The following SIRPD variants were observed in gnomAD, a reference collection of about 807,000 sequenced individuals.
The protein encoded by SIRPD is signal-regulatory protein delta.
SIRPD carries 21 observed loss-of-function variants against 18.0 expected under a neutral mutation model. The ratio of observed to expected loss-of-function variants is 1.17; its 90% CI spans 0.83 to 1.68. The LOEUF is 1.68. Among genes scored for constraint, SIRPD ranks in the 40% most tolerant of loss-of-function variants. The pLI is 0.00. For synonymous variants in SIRPD, 106 were observed against 92.9 expected (o/e 1.14, Z -0.81); for missense variants, 295 against 238.4 (o/e 1.24, Z -1.56).
chr20:1,543,549 T>C (rs1269984320), intron 2 of SIRPD, among the ~76,000 whole-genome samples: 1 of 152,202 alleles, frequency 6.6e-6, no homozygotes, highest in Non-Finnish European at 1.5e-5. Flanking sequence ...CTATCTGTTT[T>C]GTTAATGTTT....
At chr20:1,545,460 T>C (rs747323956) in intron 2 of SIRPD, among the ~76,000 whole-genome samples, 8 of 152,232 alleles carry the variant, frequency 5.3e-5, no homozygotes, top group Non-Finnish European at 1.2e-4. Flanking sequence ...GTTTTTCAGC[T>C]CCATCAGGTC....
chr20:1,537,372 A>C, intron 2 of SIRPD, 62 bp from the exon 3 acceptor site: 16 of 1,538,916 alleles, frequency 1.0e-5, no homozygotes, highest in Non-Finnish European at 1.4e-5. Flanking sequence ...TGATGGGAGG[A>C]AAGGGCTGTA....
intron 1 of SIRPD, among the ~76,000 whole-genome samples, chr20:1,554,944 T>C (rs944399535): frequency 2.0e-5 from 3 of 152,210 alleles, no homozygotes; most frequent in Non-Finnish European, 4.4e-5. Context: ...TGCTCTTGTG[T>C]ATTCTTGGGT....
rs141706925 is a variant in SIRPD, at chr20:1,549,100, G to C, written c.421+2591C>G. Reference sequence around the variant, plus strand: ...ATCTATTTTCAAATTTGCTAAATCTGCTTCTTCAAATCTACTGTTAATCCC... The same window carrying C: ...ATCTATTTTCAAATTTGCTAAATCTCCTTCTTCAAATCTACTGTTAATCCC... On this transcript the variant is annotated intron_variant, in intron 2 of 3. Coordinates refer to ENST00000381623, the MANE Select transcript of SIRPD (RefSeq NM_178460.3). 8.4e-3 allele frequency among the ~76,000 whole-genome samples: 1,270 copies of C among 152,034 alleles called. 11 individuals are homozygous for C. Among genetic ancestry groups the C allele is most frequent in the African/African-American group, 0.029 (1,211 of 41,480 alleles).
chr20:1,548,193 C>T (rs1033939350), intron 2 of SIRPD, among the ~76,000 whole-genome samples: 3 of 152,154 alleles, frequency 2.0e-5, no homozygotes, highest in Non-Finnish European at 4.4e-5. Context: ...TTAATTGTGA[C>T]ATTGGCTGTG....
intron 1 of SIRPD, among the ~76,000 whole-genome samples, chr20:1,555,603 T>G (rs2081789039): frequency 6.6e-6 from 1 of 152,204 alleles, no homozygotes; most frequent in African/African-American, 2.4e-5. Flanking sequence ...CATAAATATA[T>G]ACAATTATTA....
Position 1,552,052 on chromosome 20 carries a change from GA to G in SIRPD, c.74-15del, listed in dbSNP as rs777582745. On this transcript the variant is annotated splice_polypyrimidine_tract_variant and intron_variant, in intron 1 of 3. Coordinates refer to ENST00000381623, the MANE Select transcript of SIRPD (RefSeq NM_178460.3). ...CATGTGTGACTCCTGGAAAAAAGCT[GA>G]AAATCATTTCTCATTTCCCCTGTTC... 1 of 1,603,974 alleles carries G rather than the reference GA, an allele frequency of 6.2e-7. No individual in the cohort carries two copies. Among genetic ancestry groups the G allele is most frequent in the Admixed American group, 1.7e-5 (1 of 59,612 alleles).
intron 2 of SIRPD, among the ~76,000 whole-genome samples, chr20:1,543,668 G>C (rs756305515): frequency 3.9e-5 from 6 of 152,000 alleles, no homozygotes; most frequent in African/African-American, 9.7e-5. Flanking sequence ...GCTATCTTTT[G>C]AATTTGTTTG....
chr20:1,542,468 T>C (rs144986513), intron 2 of SIRPD, among the ~76,000 whole-genome samples: 24,791 of 152,226 alleles, frequency 0.16, 2,428 homozygotes, highest in Middle Eastern at 0.24. Context: ...GGAATGCTTG[T>C]GATTTTTGCA....
At chr20:1,550,009 A>C (rs1568669579) in intron 2 of SIRPD, among the ~76,000 whole-genome samples, 1 of 152,142 alleles carries the variant, frequency 6.6e-6, no homozygotes. Context: ...TCTCCCTCTA[A>C]ACAGCTGTCA....
chr20:1,538,400 G>C (rs1252299814), intron 2 of SIRPD, among the ~76,000 whole-genome samples: 2 of 152,170 alleles, frequency 1.3e-5, no homozygotes, highest in Non-Finnish European at 2.9e-5. Context: ...AGCACTCTTT[G>C]TTCTAACTCT....
chr20:1,534,344 C>A lies in SIRPD; in HGVS notation c.*81G>T. 2 of 1,585,858 alleles carry A rather than the reference C, an allele frequency of 1.3e-6. No individual in the cohort carries two copies. The highest frequency in any genetic ancestry group is 1.7e-6 in the Non-Finnish European group (2 of 1,166,908). On this transcript the variant is annotated 3_prime_UTR_variant, in exon 4 of 4. Coordinates refer to ENST00000381623, the MANE Select transcript of SIRPD (RefSeq NM_178460.3). ...TCTCTTGAAGAAGGCAAATGAAACT[C>A]CTAAAAAGTAGCTGTCTCCAGGGAG...
chr20:1,556,186 C>T (rs553308035), intron 1 of SIRPD, among the ~76,000 whole-genome samples: 4 of 152,304 alleles, frequency 2.6e-5, no homozygotes, highest in African/African-American at 9.6e-5. Flanking sequence ...CAGATAGAAG[C>T]ATGTCACACA....
rs370018372 is a variant in SIRPD, at chr20:1,537,268, G to T, written c.464C>A (p.Ala155Glu). 6 of 1,614,002 alleles carry T rather than the reference G, an allele frequency of 3.7e-6. No homozygotes were observed. The highest frequency in any genetic ancestry group is 1.3e-5 in the African/African-American group (1 of 74,912). Residue 155 changes from alanine (A) to glutamate (E), a missense_variant, in exon 3 of 4, where the codon GCA becomes GAA. Transcript: ENST00000381623. ...RPPKNRPAGRAGSRAHHDAHT... is the reference protein window; with the variant it reads ...RPPKNRPAGREGSRAHHDAHT... The stretch of plus-strand genomic sequence containing the variant: ...GGCATCATGGTGGGCCCTGGAGCCT[G>T]CTCTGCCTGCAGGTCTGTTCTTGGG...
intron 3 of SIRPD, 55 bp downstream of exon 3, chr20:1,537,100 G>T: frequency 1.9e-6 from 3 of 1,579,840 alleles, no homozygotes; most frequent in Non-Finnish European, 2.6e-6. Flanking sequence ...TGGTACCGCC[G>T]CCAAACTCAG....
At chr20:1,536,323 G>A (rs970895329) in intron 3 of SIRPD, among the ~76,000 whole-genome samples, 1 of 151,868 alleles carries the variant, frequency 6.6e-6, no homozygotes, top group Non-Finnish European at 1.5e-5. Context: ...AGAAAACAGA[G>A]GCACAGAGAA....
intron 2 of SIRPD, among the ~76,000 whole-genome samples, chr20:1,539,291 T>A (rs1473067559): frequency 1.3e-5 from 2 of 152,242 alleles, no homozygotes; most frequent in African/African-American, 4.8e-5. Context: ...GATTTTCTAA[T>A]GATCTTTTTG....
intron 1 of SIRPD, among the ~76,000 whole-genome samples, chr20:1,555,380 T>C (rs2091035992): frequency 6.6e-6 from 1 of 152,188 alleles, no homozygotes; most frequent in South Asian, 2.1e-4. Context: ...TCAAAGCCTA[T>C]AAAGTTGTAG....
intron 2 of SIRPD, among the ~76,000 whole-genome samples, 199 bp downstream of exon 2, chr20:1,551,492 T>C (rs2123147393): frequency 6.6e-6 from 1 of 152,324 alleles, no homozygotes; most frequent in South Asian, 2.1e-4. Context: ...CTCTTATCAC[T>C]CATCACTCAA....
Sources: allele counts gnomAD v4.1 joint callset (sites outside exome capture counted in the v4.1 genomes callset), GRCh38; gene constraint gnomAD v4.1.1; transcripts MANE v1.5; gene names NCBI Gene and HGNC (gene_info 2026-07-23, HGNC 2026-07-21).